The following PHF21A variants were observed in gnomAD, a reference collection of about 807,000 sequenced individuals.
PHF21A encodes the protein PHD finger protein 21A.
In PHF21A, 11 loss-of-function variants were observed where a neutral mutation model predicts 82.5. The observed-to-expected ratio is 0.13, with a 90% CI of 0.08 to 0.22. The LOEUF is 0.22. PHF21A is among the 10% of genes least tolerant of loss of function. The pLI, the probability that PHF21A is intolerant of heterozygous loss-of-function variation, is 1.00. For synonymous variants in PHF21A, 297 were observed against 302.8 expected (o/e 0.98, Z 0.20); for missense variants, 579 against 837.8 (o/e 0.69, Z 3.81).
At chr11:46,105,504 T>A (rs2135856143) in intron 1 of PHF21A, among the ~76,000 whole-genome samples, 1 of 152,212 alleles carries the variant, frequency 6.6e-6, no homozygotes. Context: ...CTGCAAGAAA[T>A]GGGCAATTCA....
At chr11:45,985,566 A>AGG (rs2094462876) in intron 6 of PHF21A, among the ~76,000 whole-genome samples, 1 of 152,256 alleles carries the variant, frequency 6.6e-6, no homozygotes, top group Non-Finnish European at 1.5e-5. Flanking sequence ...GAATTCTAAC[A>AGG]GAGGAAGACA....
chr11:46,044,923 C>A (rs985546512), intron 6 of PHF21A, among the ~76,000 whole-genome samples: 1 of 152,296 alleles, frequency 6.6e-6, no homozygotes, highest in South Asian at 2.1e-4. Flanking sequence ...AGGAACTGAT[C>A]GAAGCTTTCA....
intron 6 of PHF21A, among the ~76,000 whole-genome samples, chr11:46,019,806 G>A (rs916355320): frequency 3.3e-5 from 5 of 152,070 alleles, no homozygotes; most frequent in African/African-American, 1.2e-4. Context: ...TTGCAACACA[G>A]AAGCAAGTAA....
chr11:46,015,729 C>A (rs1056372306), intron 6 of PHF21A, among the ~76,000 whole-genome samples: 1 of 152,124 alleles, frequency 6.6e-6, no homozygotes, highest in Non-Finnish European at 1.5e-5. Context: ...TAGGCCTACA[C>A]AGGGTCACAA....
chr11:45,952,783 T>G (rs1023681578), intron 11 of PHF21A, among the ~76,000 whole-genome samples: 2 of 152,200 alleles, frequency 1.3e-5, no homozygotes, highest in Non-Finnish European at 2.9e-5. Flanking sequence ...GCACTAAGGA[T>G]AGGGGCAAGA....
At chr11:45,986,854 A>T (rs2094505972) in intron 6 of PHF21A, among the ~76,000 whole-genome samples, 1 of 152,118 alleles carries the variant, frequency 6.6e-6, no homozygotes, top group African/African-American at 2.4e-5. Context: ...GATTTTTAAC[A>T]TCTAATCATT....
intron 6 of PHF21A, among the ~76,000 whole-genome samples, chr11:46,062,466 GA>G (rs1264642788): frequency 1.3e-5 from 2 of 151,694 alleles, no homozygotes; most frequent in Non-Finnish European, 2.9e-5. Flanking sequence ...TTTAAATCAA[GA>G]ATTGTTTCTG....
At chr11:46,110,044 A>C (rs562466230) in intron 1 of PHF21A, among the ~76,000 whole-genome samples, 2 of 151,948 alleles carry the variant, frequency 1.3e-5, no homozygotes, top group Admixed American at 1.3e-4. Context: ...TTTTGGTTCT[A>C]ACTCATTATT....
In PHF21A at chr11:46,045,317, T is replaced by C. The variant is rs112057384; in HGVS notation, c.153+31437A>G. Among the ~76,000 whole-genome samples the C allele has an allele frequency of 2.4e-4, 37 of 152,324 alleles. No individual in the cohort carries two copies. In the South Asian group the frequency reaches 2.5e-3, roughly 10 times the overall value. ...TCATAAGCATTAGCACACATTATTATACCAGGTACTAACACAAAGGAGAGG... is the reference window on the plus strand; with the variant it reads ...TCATAAGCATTAGCACACATTATTACACCAGGTACTAACACAAAGGAGAGG... On this transcript the variant is annotated intron_variant, in intron 6 of 18. Transcript: ENST00000676320.
intron 6 of PHF21A, among the ~76,000 whole-genome samples, chr11:45,985,193 T>C (rs2094451014): frequency 6.6e-6 from 1 of 152,150 alleles, no homozygotes; most frequent in Non-Finnish European, 1.5e-5. Context: ...ACCGTCTAAC[T>C]AAAACTCAGC....
chr11:46,083,790 G>A (rs2096823245), intron 4 of PHF21A, among the ~76,000 whole-genome samples: 1 of 152,132 alleles, frequency 6.6e-6, no homozygotes, highest in Non-Finnish European at 1.5e-5. Flanking sequence ...CATATGATCT[G>A]TAAAAACTTT....
At chr11:46,105,361 C>A (rs554296683) in intron 1 of PHF21A, among the ~76,000 whole-genome samples, 1 of 152,142 alleles carries the variant, frequency 6.6e-6, no homozygotes, top group African/African-American at 2.4e-5. Context: ...GTGTGCCAGA[C>A]GTCTTTACAG....
rs1007095663 is a variant in PHF21A at position 45,932,077 on chromosome 11, T to A, written c.*1891A>T. The A allele has an allele frequency of 2.6e-5, 4 of 152,188 alleles. No individual in the cohort carries two copies. The highest frequency in any genetic ancestry group is 9.7e-5 in the African/African-American group (4 of 41,428). 9.4% of individuals were successfully genotyped at this position (152,188 alleles called of 1,614,324 possible). A position where few individuals can be genotyped will look rare whatever the true frequency, so the allele number is the denominator to read the frequency against. On this transcript the variant is annotated 3_prime_UTR_variant, in exon 19 of 19. Coordinates refer to ENST00000676320, the MANE Select transcript of PHF21A (RefSeq NM_001352027.3). The surrounding 1 kb of genome is among the most constrained non-coding windows in gnomAD (Gnocchi z 4.3). The stretch of plus-strand genomic sequence containing the variant: ...GACAGAGCGAAGGCCACGCTGGGGC[T>A]CTGTCTCAGAGACGTACCCTCAAAA...
chr11:46,016,026 CAT>C (rs2095511073), intron 6 of PHF21A, among the ~76,000 whole-genome samples: 1 of 152,058 alleles, frequency 6.6e-6, no homozygotes, highest in Admixed American at 6.5e-5. Context: ...ATGTACTGTA[CAT>C]AATTGTATGT....
At chr11:46,102,971 C>T (rs564256970) in intron 1 of PHF21A, among the ~76,000 whole-genome samples, 2 of 152,194 alleles carry the variant, frequency 1.3e-5, no homozygotes, top group East Asian at 3.9e-4. Context: ...GGAAAGAGAC[C>T]ATCAAGAGGG....
chr11:46,074,922 T>C (rs1037665984), intron 6 of PHF21A, among the ~76,000 whole-genome samples: 1 of 152,258 alleles, frequency 6.6e-6, no homozygotes, highest in African/African-American at 2.4e-5. Context: ...AAAAATGATA[T>C]TTTTCTGTTC....
intron 8 of PHF21A, chr11:45,970,291 G>A: frequency 4.8e-6 from 1 of 207,628 alleles, no homozygotes; most frequent in South Asian, 7.4e-5. Flanking sequence ...AACAGTGAAT[G>A]GCTTTATTCC....
At chr11:45,999,547 T>C (rs929570836) in intron 6 of PHF21A, among the ~76,000 whole-genome samples, 1 of 152,206 alleles carries the variant, frequency 6.6e-6, no homozygotes, top group Admixed American at 6.5e-5. Context: ...TACTTCAAAA[T>C]GCAAGCTTAT....
intron 6 of PHF21A, among the ~76,000 whole-genome samples, chr11:46,048,766 T>C (rs1162317443): frequency 2.0e-5 from 3 of 151,762 alleles, no homozygotes; most frequent in East Asian, 1.9e-4. Context: ...CAAGACTCCA[T>C]CTCAAAAAAA....
Sources: allele counts gnomAD v4.1 joint callset (sites outside exome capture counted in the v4.1 genomes callset), GRCh38; gene constraint gnomAD v4.1.1; non-coding constraint Gnocchi (gnomAD v3.1); transcripts MANE v1.5; gene names NCBI Gene and HGNC (gene_info 2026-07-23, HGNC 2026-07-21).